The following STK17B variants were observed in gnomAD, a reference collection of about 807,000 sequenced individuals.
The protein encoded by STK17B is serine/threonine kinase 17b.
In STK17B, 21 loss-of-function variants were observed where a neutral mutation model predicts 42.0. The ratio of observed to expected loss-of-function variants is 0.50; its 90% CI spans 0.35 to 0.72. STK17B has a LOEUF of 0.72. Among genes scored for constraint, STK17B ranks in the 30% least tolerant of loss-of-function variants. STK17B has a pLI of 0.00. For synonymous variants in STK17B, 143 were observed against 148.4 expected (o/e 0.96, Z 0.26); for missense variants, 349 against 446.0 (o/e 0.78, Z 1.96).
At chr2:196,140,577 C>CCTTTTTTTTT (rs1334737441) in intron 6 of STK17B, among the ~76,000 whole-genome samples, 2 of 101,478 alleles carry the variant, frequency 2.0e-5, no homozygotes, top group African/African-American at 3.6e-5. Context: ...CTTCTTCTAG[C>CCTTTTTTTTT]TTTTTTTTTT....
chr2:196,152,350 T>C (rs1429665501), intron 3 of STK17B, among the ~76,000 whole-genome samples: 1 of 152,122 alleles, frequency 6.6e-6, no homozygotes, highest in Non-Finnish European at 1.5e-5. Context: ...CTCATGATCC[T>C]CCTGCCCTGG....
At chr2:196,163,909 C>G (rs942589273) in intron 1 of STK17B, among the ~76,000 whole-genome samples, 2 of 151,476 alleles carry the variant, frequency 1.3e-5, no homozygotes, top group African/African-American at 2.4e-5. Flanking sequence ...TGTAGTGGCT[C>G]GCACCTGTAG....
Position 196,137,346 on chromosome 2 carries a change from T to G in STK17B, c.*101A>C. The stretch of plus-strand genomic sequence containing the variant: ...CTAAATTATTCCATGGAAAAGTGCA[T>G]TTACAATATAAACATGTCATATATG... On this transcript the variant is annotated 3_prime_UTR_variant, in exon 8 of 8. Coordinates refer to ENST00000263955, the MANE Select transcript of STK17B (RefSeq NM_004226.4). 7.9e-7 allele frequency: 1 copy of G among 1,270,238 alleles called. No homozygotes were observed. The highest frequency in any genetic ancestry group is 2.4e-5 in the East Asian group (1 of 41,176). The allele number at this position is 1,270,238 out of a possible 1,614,324, so 78.7% of individuals were successfully genotyped here.
chr2:196,159,431 C>T (rs1699784098), intron 2 of STK17B, among the ~76,000 whole-genome samples: 1 of 151,844 alleles, frequency 6.6e-6, no homozygotes, highest in Non-Finnish European at 1.5e-5. Flanking sequence ...TTACTTCAGC[C>T]TCCTGTGTAG....
intron 1 of STK17B, among the ~76,000 whole-genome samples, chr2:196,167,346 G>T (rs917387658): frequency 3.3e-5 from 5 of 152,166 alleles, no homozygotes; most frequent in Admixed American, 2.6e-4. Flanking sequence ...CCACCCGGTA[G>T]GAATTTTAAA....
rs1699418202 is a variant in STK17B, at chr2:196,137,185, T to C, written c.*262A>G. On this transcript the variant is annotated 3_prime_UTR_variant, in exon 8 of 8. Coordinates refer to ENST00000263955, the MANE Select transcript of STK17B (RefSeq NM_004226.4). Reference sequence around the variant, plus strand: ...GGTAAGTTCATTTGAAGTTGAATTATTTCATTAACATGTAAACTCACATGT... The same window carrying C: ...GGTAAGTTCATTTGAAGTTGAATTACTTCATTAACATGTAAACTCACATGT... The C allele has an allele frequency of 5.2e-6, 2 of 381,108 alleles. No homozygotes were observed. The highest frequency in any genetic ancestry group is 9.3e-6 in the Non-Finnish European group (2 of 213,972). The allele number at this position is 381,108 out of a possible 1,614,324, so 23.6% of individuals were successfully genotyped here.
chr2:196,170,496 C>T (rs1157316071), intron 1 of STK17B, among the ~76,000 whole-genome samples: 1 of 152,226 alleles, frequency 6.6e-6, no homozygotes, highest in African/African-American at 2.4e-5. Flanking sequence ...AAATTGATGT[C>T]AGAGTGCCTC....
chr2:196,163,427 C>G lies in STK17B; in HGVS notation c.-44G>C, dbSNP rs1699838487. ...CTGCTTCTTTAGTCACTTATTTTTA[C>G]CTATGCAAAAAAAGAGAATACAGAG... On this transcript the variant is annotated splice_region_variant and 5_prime_UTR_variant, in exon 2 of 8. Coordinates refer to ENST00000263955, the MANE Select transcript of STK17B (RefSeq NM_004226.4). 15 of 1,533,186 alleles carry G rather than the reference C, an allele frequency of 9.8e-6. No homozygotes were observed. Among genetic ancestry groups the G allele is most frequent in the Non-Finnish European group, 1.3e-5 (15 of 1,148,200 alleles). 95.0% of individuals were successfully genotyped at this position (1,533,186 alleles called of 1,614,324 possible).
In STK17B at chr2:196,136,910, C is replaced by G. The variant is rs1317185440; in HGVS notation, c.*537G>C. Reference sequence around the variant, plus strand: ...CAGACCACAGAGAATGAAAATCTTACGAAGTTTCAAAATATTTGTAATTGA... The same window carrying G: ...CAGACCACAGAGAATGAAAATCTTAGGAAGTTTCAAAATATTTGTAATTGA... On this transcript the variant is annotated 3_prime_UTR_variant, in exon 8 of 8. Coordinates refer to ENST00000263955, the MANE Select transcript of STK17B (RefSeq NM_004226.4). 1 of 152,376 alleles carries G rather than the reference C, an allele frequency of 6.6e-6. No individual in the cohort carries two copies. The highest frequency in any genetic ancestry group is 2.1e-4 in the South Asian group (1 of 4,842). 9.4% of individuals were successfully genotyped at this position (152,376 alleles called of 1,614,324 possible).
intron 5 of STK17B, among the ~76,000 whole-genome samples, chr2:196,142,672 C>T (rs1699510344): frequency 6.6e-6 from 1 of 152,200 alleles, no homozygotes; most frequent in South Asian, 2.1e-4. Flanking sequence ...AAACCACCTA[C>T]ATTTTCACAT....
rs66802894 is a variant in STK17B at position 196,135,777 on chromosome 2, C to CAAAAAAAAAAA, written c.*1659_*1669dup. 2 of 50,166 alleles carry CAAAAAAAAAAA rather than the reference C, an allele frequency of 4.0e-5. 1 individual carries two copies. The highest frequency in any genetic ancestry group is 1.8e-4 in the African/African-American group (2 of 11,416). The allele number at this position is 50,166 out of a possible 1,614,324, so 3.1% of individuals were successfully genotyped here. A position where few individuals can be genotyped will look rare whatever the true frequency, so the allele number is the denominator to read the frequency against. ...TGAGAGACAGAGCAAAACTCCATCT[C>CAAAAAAAAAAA]AAAAAAAAAAAAAAAAAAAAAAAGC... On this transcript the variant is annotated 3_prime_UTR_variant, in exon 8 of 8. Coordinates refer to ENST00000263955, the MANE Select transcript of STK17B (RefSeq NM_004226.4).
chr2:196,147,677 T>C (rs1033263942), intron 3 of STK17B, among the ~76,000 whole-genome samples: 3 of 152,098 alleles, frequency 2.0e-5, no homozygotes, highest in African/African-American at 7.2e-5. Flanking sequence ...ATCACATATA[T>C]GTCACTTTAA....
chr2:196,151,527 A>G (rs4850384), intron 3 of STK17B: 89,110 of 152,074 alleles, frequency 0.59, 26,910 homozygotes, highest in East Asian at 0.9. Flanking sequence ...CACCGTGTCC[A>G]GCCAAAGGTA....
At chr2:196,167,945 C>T (rs1391160339) in intron 1 of STK17B, among the ~76,000 whole-genome samples, 1 of 152,158 alleles carries the variant, frequency 6.6e-6, no homozygotes, top group Non-Finnish European at 1.5e-5. Flanking sequence ...GATTTAACGT[C>T]CATCAAAAGT....
At chr2:196,148,232 C>T (rs1244478759) in intron 3 of STK17B, among the ~76,000 whole-genome samples, 1 of 152,150 alleles carries the variant, frequency 6.6e-6, no homozygotes, top group African/African-American at 2.4e-5. Context: ...CCTAGCGGCC[C>T]TTGGTCTGCA....
rs983698538 is a variant in STK17B at position 196,163,359 on chromosome 2, G to A, written c.25C>T (p.Arg9Ter). 8 of 1,597,602 alleles carry A rather than the reference G, an allele frequency of 5.0e-6. No individual in the cohort carries two copies. Among genetic ancestry groups the A allele is most frequent in the African/African-American group, 2.7e-5 (2 of 73,504 alleles). Residue 9 changes from arginine to a stop codon, truncating the protein, a stop_gained, in exon 2 of 8, where the codon CGA becomes TGA. Transcript: ENST00000263955. LOFTEE classifies it high-confidence loss of function. MSRRRFDCRSISGLLTTTP... is the reference protein window; with the variant it reads MSRRRFDC ...GTAGTTAGTAGGCCTGAAATACTTCGGCAATCAAATCTCCTCCTCGACATG... is the reference window on the plus strand; with the variant it reads ...GTAGTTAGTAGGCCTGAAATACTTCAGCAATCAAATCTCCTCCTCGACATG...
intron 3 of STK17B, among the ~76,000 whole-genome samples, chr2:196,149,742 T>C (rs2105691965): frequency 6.6e-6 from 1 of 152,306 alleles, no homozygotes; most frequent in East Asian, 1.9e-4. Context: ...ATAAGAATAA[T>C]TTTTAAATAC....
At chr2:196,143,267 T>C (rs79286459) in intron 5 of STK17B, among the ~76,000 whole-genome samples, 7,871 of 152,286 alleles carry the variant, frequency 0.052, 246 homozygotes, top group East Asian at 0.089. Flanking sequence ...TCTTTTTCCC[T>C]AACTTCCCTC....
chr2:196,141,289 T>G lies in STK17B; in HGVS notation c.616A>C (p.Ile206Leu). The change falls in exon 6 of 8, where the codon ATC becomes CTC. Residue 206 changes from isoleucine to leucine, a missense_variant. Transcript: ENST00000263955. Reference sequence around the variant, plus strand: ...GTGGTAATGGGATCATAGTTCAGGATTTCTGGAGCTGAAAGAAAAGATAAA... The same window carrying G: ...GTGGTAATGGGATCATAGTTCAGGAGTTCTGGAGCTGAAAGAAAAGATAAA... ...MGTPEYLAPE[I>L]LNYDPITTAT... The G allele has an allele frequency of 6.2e-7, 1 of 1,605,968 alleles. No homozygotes were observed.
Sources: allele counts gnomAD v4.1 joint callset (sites outside exome capture counted in the v4.1 genomes callset), GRCh38; gene constraint gnomAD v4.1.1; transcripts MANE v1.5; gene names NCBI Gene and HGNC (gene_info 2026-07-23, HGNC 2026-07-21).